The following RYR3 variants were observed in gnomAD, a reference collection of about 807,000 sequenced individuals.
The protein encoded by RYR3 is ryanodine receptor 3.
A neutral mutation model predicts 584.3 loss-of-function variants in RYR3; 207 were observed. The ratio of observed to expected loss-of-function variants is 0.35; its 90% CI spans 0.32 to 0.40. The LOEUF is 0.40. Ranked by LOEUF, RYR3 falls within the 10% of genes least tolerant of loss-of-function variation. RYR3 has a pLI of 1.00. For synonymous variants in RYR3, 2,416 were observed against 2,248.5 expected (o/e 1.07, Z -2.11); for missense variants, 5,616 against 6,089.2 (o/e 0.92, Z 2.59).
At chr15:33,344,394 G>A (rs1972185980) in intron 1 of RYR3, among the ~76,000 whole-genome samples, 1 of 152,164 alleles carries the variant, frequency 6.6e-6, no homozygotes, top group Admixed American at 6.5e-5. Flanking sequence ...TGGAAAATTA[G>A]ACCCTGCCAT....
chr15:33,560,047 C>T (rs1595592521), intron 10 of RYR3, among the ~76,000 whole-genome samples: 1 of 152,172 alleles, frequency 6.6e-6, no homozygotes, highest in South Asian at 2.1e-4. Flanking sequence ...ATTGGATTAG[C>T]TCTATTTTTT....
intron 1 of RYR3, among the ~76,000 whole-genome samples, chr15:33,383,727 G>C (rs1400209393): frequency 2.0e-5 from 3 of 152,062 alleles, no homozygotes; most frequent in Admixed American, 6.5e-5. Context: ...GCAGTCCCCA[G>C]GGGCTACCAT....
At chr15:33,581,872 G>C (rs595477) in intron 14 of RYR3, among the ~76,000 whole-genome samples, 71,648 of 151,936 alleles carry the variant, frequency 0.47, 18,906 homozygotes, top group East Asian at 0.75. Context: ...CTGGGAAACT[G>C]TTTGACAGAC....
chr15:33,416,523 CT>C (rs2043820910), intron 1 of RYR3, among the ~76,000 whole-genome samples: 2 of 152,032 alleles, frequency 1.3e-5, no homozygotes, highest in Non-Finnish European at 2.9e-5. Context: ...CCTTCGCTTA[CT>C]TTTTAATGGG....
At position 33,861,110 on chromosome 15, in the gene RYR3, C is replaced by G. The variant is rs541643213; in HGVS notation, c.14397C>G (p.Asp4799Glu). 1.0e-5 allele frequency: 16 copies of G among 1,596,616 alleles called. No individual in the cohort carries two copies. Among genetic ancestry groups the G allele is most frequent in the Non-Finnish European group, 1.3e-5 (15 of 1,170,598 alleles). Residue 4799 changes from aspartate to glutamate, a missense_variant, in exon 102 of 104, where the codon GAC (aspartate) becomes GAG (glutamate). This residue lies in a region of RYR3 where 918 missense variants were observed against 887.4 expected (regional missense o/e 1.03). Transcript: ENST00000634891. The stretch of plus-strand genomic sequence containing the variant: ...GTTTCATCTGTGGGATTGGCAATGA[C>G]TACTTTGACACAACCCCTCATGGTT... ...TKCFICGIGN[D>E]YFDTTPHGFE...
intron 3 of RYR3, among the ~76,000 whole-genome samples, chr15:33,510,553 C>A (rs114964960): frequency 0.021 from 3,128 of 151,910 alleles, 98 homozygotes; most frequent in African/African-American, 0.072. Context: ...CCATCCAGGA[C>A]AGCAACCCTA....
chr15:33,511,543 C>T (rs935286328), intron 3 of RYR3, among the ~76,000 whole-genome samples: 5 of 151,618 alleles, frequency 3.3e-5, no homozygotes, highest in Non-Finnish European at 1.5e-5. Flanking sequence ...CTGTATTTGT[C>T]ATGAACTGGG....
In RYR3 at chr15:33,662,382, G is replaced by A. The variant is rs777511024; in HGVS notation, c.4852G>A (p.Ala1618Thr). Residue 1618 changes from alanine (A) to threonine (T), a missense_variant, in exon 35 of 104, where the codon GCC becomes ACC. Around this residue, in one of 9 missense-constraint regions of RYR3, gnomAD observed 753 missense variants for 741.0 expected, o/e 1.02. Coordinates refer to ENST00000634891, the MANE Select transcript of RYR3 (RefSeq NM_001036.6). ...GCTCATCAGCATCCACCTGGCCAGC[G>A]CCAAGGAGAGGAAGCTGATGATGAA... ...DLLISIHLAS[A>T]KERKLMMKNE... 2.5e-5 allele frequency: 40 copies of A among 1,613,348 alleles called. No homozygotes were observed. The highest frequency in any genetic ancestry group is 1.9e-4 in the African/African-American group (14 of 75,036).
At chr15:33,794,318 T>TAAAAATATATAAAA (rs1345619753) in intron 67 of RYR3, among the ~76,000 whole-genome samples, 2 of 93,634 alleles carry the variant, frequency 2.1e-5, no homozygotes, top group African/African-American at 3.1e-5. Context: ...TTTATATATA[T>TAAAAATATATAAAA]ATATTTTTAT....
intron 1 of RYR3, among the ~76,000 whole-genome samples, chr15:33,317,704 C>A (rs1349795002): frequency 6.6e-6 from 1 of 152,146 alleles, no homozygotes; most frequent in African/African-American, 2.4e-5. Flanking sequence ...AAGTTCAGAT[C>A]ATCTCTGAGA....
chr15:33,383,713 T>A (rs1386284362), intron 1 of RYR3, among the ~76,000 whole-genome samples: 1 of 152,102 alleles, frequency 6.6e-6, no homozygotes. Context: ...CCCTCCCCCA[T>A]CTAGCAGTCC....
intron 1 of RYR3, among the ~76,000 whole-genome samples, chr15:33,399,110 A>C (rs80039649): frequency 0.01 from 1,552 of 152,304 alleles, 24 homozygotes; most frequent in African/African-American, 0.035. Flanking sequence ...TTAAGAATCC[A>C]TCACACCTAG....
At chr15:33,619,551 A>G (rs2060612427) in intron 19 of RYR3, among the ~76,000 whole-genome samples, 1 of 152,214 alleles carries the variant, frequency 6.6e-6, no homozygotes, top group Admixed American at 6.5e-5. Flanking sequence ...CTACCCCTGT[A>G]ACTCCATGCT....
intron 1 of RYR3, among the ~76,000 whole-genome samples, chr15:33,387,230 A>G (rs1424942611): frequency 6.6e-6 from 1 of 152,168 alleles, no homozygotes; most frequent in Non-Finnish European, 1.5e-5. Flanking sequence ...TCACTAATCC[A>G]CTGATGGACA....
intron 5 of RYR3, among the ~76,000 whole-genome samples, chr15:33,536,878 T>C (rs1283542866): frequency 6.6e-6 from 1 of 152,226 alleles, no homozygotes. Flanking sequence ...ATAATATACA[T>C]ATTAAAACAA....
At position 33,841,987 on chromosome 15, in the gene RYR3, C is replaced by G; in HGVS notation, c.13161C>G (p.Phe4387Leu). The G allele has an allele frequency of 6.2e-7, 1 of 1,603,812 alleles. No individual in the cohort carries two copies. Among genetic ancestry groups the G allele is most frequent in the East Asian group, 2.2e-5 (1 of 44,682 alleles). ...CGQKVEKPEA[F>L]TANFFKGLEI... ...AGAAGGTTGAGAAGCCGGAAGCTTT[C>G]ACAGCCAATTTCTTTAAAGGGCTGG... The change falls in exon 91 of 104, where the codon TTC (phenylalanine) becomes TTG (leucine). Residue 4387 changes from phenylalanine to leucine, a missense_variant. Physicochemically the swap from Phe to Leu is conservative, Grantham distance 22 (BLOSUM62 0). This residue lies in a region of RYR3 where 918 missense variants were observed against 887.4 expected (regional missense o/e 1.03). Transcript: ENST00000634891.
chr15:33,340,257 T>A (rs1485523850), intron 1 of RYR3, among the ~76,000 whole-genome samples: 2 of 152,202 alleles, frequency 1.3e-5, no homozygotes, highest in African/African-American at 2.4e-5. Flanking sequence ...TTTTGAGCAG[T>A]GCCAGACCTG....
Position 33,865,888 on chromosome 15 carries a change from G to GTGCA in RYR3, c.*662_*663insTGCA, listed in dbSNP as rs1296174340. 1.3e-5 allele frequency: 2 copies of GTGCA among 152,524 alleles called. No individual in the cohort carries two copies. Among genetic ancestry groups the GTGCA allele is most frequent in the African/African-American group, 4.8e-5 (2 of 41,424 alleles). The allele number at this position is 152,524 out of a possible 1,614,324, so 9.4% of individuals were successfully genotyped here. ...CTTACTTTATGAAACTGCACTTGAA[G>GTGCA]GTTATTCATACAAGTTTTTTTAGTA... On this transcript the variant is annotated 3_prime_UTR_variant, in exon 104 of 104. Coordinates refer to ENST00000634891, the MANE Select transcript of RYR3 (RefSeq NM_001036.6).
intron 1 of RYR3, among the ~76,000 whole-genome samples, chr15:33,430,220 C>G (rs1030622965): frequency 7.2e-5 from 11 of 152,214 alleles, no homozygotes; most frequent in Non-Finnish European, 1.5e-4. Context: ...ATTTATTGCA[C>G]AATGCCAAGC....
Sources: gnomAD v4.1 joint callset for allele counts (sites outside exome capture counted in the v4.1 genomes callset) on GRCh38, gnomAD v4.1.1 for gene constraint, gnomAD v4.1.1 regional missense constraint, MANE v1.5 for transcripts, NCBI Gene and HGNC (gene_info 2026-07-23, HGNC 2026-07-21) for gene names.